The following LARGE1 variants were observed in gnomAD, a reference collection of about 807,000 sequenced individuals.
The protein encoded by LARGE1 is xylosyl- and glucuronyltransferase LARGE1.
LARGE1 carries 43 observed loss-of-function variants against 87.6 expected under a neutral mutation model. The observed-to-expected ratio is 0.49, with a 90% CI of 0.38 to 0.63. LARGE1 has a LOEUF of 0.63. Among genes scored for constraint, LARGE1 ranks in the 30% least tolerant of loss-of-function variants. The probability of loss-of-function intolerance (pLI) is 0.00; values close to 1 mark genes in which losing one functional copy is unlikely to be tolerated. For missense variants in LARGE1, 802 were observed against 1,000.2 expected, an observed-to-expected ratio of 0.80 and a Z score of 2.67; for synonymous variants, 434 against 394.6, an observed-to-expected ratio of 1.10 and a Z score of -1.18.
chr22:33,588,797 T>TG, intron 5 of LARGE1, among the ~76,000 whole-genome samples: 1 of 152,080 alleles, frequency 6.6e-6, no homozygotes, highest in Non-Finnish European at 1.5e-5. Context: ...AGTATAAAGG[T>TG]GATTTAGAAA....
the LARGE1 span, among the ~76,000 whole-genome samples, chr22:33,131,003 C>T: frequency 7.9e-6 from 1 of 125,840 alleles, no homozygotes; most frequent in Admixed American, 1.0e-4. Context: ...CAATGCACTC[C>T]AGCCTGGGCG....
intron 6 of LARGE1, among the ~76,000 whole-genome samples, chr22:33,491,657 AACC>A (rs1215895274): frequency 6.6e-6 from 1 of 152,194 alleles, no homozygotes; most frequent in African/African-American, 2.4e-5. Flanking sequence ...CTAGACAATA[AACC>A]ACTTAATCTG....
exon 12 of LARGE1, chr22:33,163,713 G>A (rs907244374): frequency 2.6e-5 from 4 of 152,194 alleles, no homozygotes; most frequent in African/African-American, 9.7e-5. Context: ...AGAGTGCATA[G>A]CTCTCATGGA....
chr22:33,559,191 T>C (rs1324489588), intron 6 of LARGE1, among the ~76,000 whole-genome samples: 2 of 152,088 alleles, frequency 1.3e-5, no homozygotes, highest in Admixed American at 6.5e-5. Flanking sequence ...ATGGTACACC[T>C]TTTTTTTGAG....
intron 11 of LARGE1, among the ~76,000 whole-genome samples, chr22:33,240,219 C>T (rs1926448813): frequency 6.6e-6 from 1 of 151,954 alleles, no homozygotes. Flanking sequence ...TAATAGTATC[C>T]CTTGTGGTTT....
chr22:33,655,432 A>C (rs2080932419), intron 2 of LARGE1, among the ~76,000 whole-genome samples: 1 of 152,134 alleles, frequency 6.6e-6, no homozygotes, highest in Non-Finnish European at 1.5e-5. Flanking sequence ...TTGGACTGGA[A>C]CTACACCATG....
intron 6 of LARGE1, among the ~76,000 whole-genome samples, chr22:33,469,653 CCT>C (rs2068749749): frequency 6.6e-6 from 1 of 151,732 alleles, no homozygotes; most frequent in East Asian, 2.0e-4. Context: ...GGTGAAACCC[CCT>C]CTCTACTAAA....
At chr22:33,506,010 G>C (rs570980472) in intron 6 of LARGE1, among the ~76,000 whole-genome samples, 5 of 152,150 alleles carry the variant, frequency 3.3e-5, no homozygotes, top group African/African-American at 1.2e-4. Context: ...GCAAATCAAA[G>C]TGGCAGCATT....
chr22:33,337,588 C>A (rs1433870250), intron 10 of LARGE1, 58 bp downstream of exon 10: 8 of 1,603,796 alleles, frequency 5.0e-6, no homozygotes, highest in African/African-American at 4.0e-5. Context: ...TGGGGGAGGT[C>A]CTTGATGGAT....
chr22:33,329,293 A>AAAATTCAT (rs1225474708), intron 10 of LARGE1, among the ~76,000 whole-genome samples: 8 of 141,172 alleles, frequency 5.7e-5, no homozygotes, highest in African/African-American at 2.2e-4. Context: ...TATACATTCA[A>AAAATTCAT]AAATTCATTG....
At chr22:33,324,928 CT>C (rs3216418) in intron 10 of LARGE1, among the ~76,000 whole-genome samples, 120,466 of 152,128 alleles carry the variant, frequency 0.79, 48,263 homozygotes, top group African/African-American at 0.93. Context: ...GTGGGGAGAG[CT>C]TTTGCAGGTT....
intron 1 of LARGE1, among the ~76,000 whole-genome samples, chr22:33,858,418 A>G (rs776853804): frequency 1.3e-5 from 2 of 152,216 alleles, no homozygotes; most frequent in Non-Finnish European, 2.9e-5. Flanking sequence ...AGGGGACCCA[A>G]AGAGGGTAGC....
chr22:33,299,801 A>G (rs2146099761), intron 12 of LARGE1, among the ~76,000 whole-genome samples: 1 of 152,362 alleles, frequency 6.6e-6, no homozygotes, highest in East Asian at 1.9e-4. Flanking sequence ...AACCTCTGCC[A>G]TGCCCCGCTG....
intron 1 of LARGE1, among the ~76,000 whole-genome samples, chr22:33,764,425 A>G (rs2084833838): frequency 2.0e-5 from 3 of 152,032 alleles, no homozygotes. Context: ...ATCCTCCTAT[A>G]TACTTTACTC....
upstream of LARGE1, among the ~76,000 whole-genome samples, chr22:33,921,056 G>C (rs950280330): frequency 3.3e-5 from 5 of 150,494 alleles, no homozygotes; most frequent in Admixed American, 2.6e-4. This position sits in a 1 kb window ranked among gnomAD's most constrained non-coding sequence, Gnocchi z 4.1. Flanking sequence ...CGCGAGCCGG[G>C]GCTGGGTTCC....
intron 2 of LARGE1, among the ~76,000 whole-genome samples, chr22:33,760,764 A>G (rs949952999): frequency 3.3e-5 from 5 of 152,162 alleles, no homozygotes; most frequent in African/African-American, 1.2e-4. Flanking sequence ...TACGAAAAAT[A>G]GAAGAATTAG....
intron 6 of LARGE1, among the ~76,000 whole-genome samples, chr22:33,511,672 T>A (rs1468942542): frequency 6.6e-6 from 1 of 152,332 alleles, no homozygotes; most frequent in South Asian, 2.1e-4. Context: ...ATGGCCCTAG[T>A]CTGTCTTCTT....
At chr22:33,747,258 C>T (rs889458124) in intron 2 of LARGE1, among the ~76,000 whole-genome samples, 2 of 152,128 alleles carry the variant, frequency 1.3e-5, no homozygotes, top group African/African-American at 4.8e-5. Flanking sequence ...TGCCAAGATC[C>T]ACTTTGCAGG....
chr22:33,709,979 G>GA lies in LARGE1; in HGVS notation c.106+51391dup, dbSNP rs5845106. On this transcript the variant is annotated intron_variant, in intron 2 of 14. Coordinates refer to ENST00000397394, the MANE Select transcript of LARGE1 (RefSeq NM_133642.5). The stretch of plus-strand genomic sequence containing the variant: ...TCTCTCATCAGACCTTTGCTAGGCA[G>GA]AAAAAAAAAAAAAAAAAAAAAGGAA... Among the ~76,000 whole-genome samples the GA allele has an allele frequency of 6.2e-3, 554 of 88,668 alleles. 1 individual carries two copies. Among genetic ancestry groups the GA allele is most frequent in the Middle Eastern group, 0.016 (2 of 128 alleles). The allele number at this position is 88,668 out of a possible 152,430, so 58.2% of individuals were successfully genotyped here.
Sources: gnomAD v4.1 joint callset for allele counts (sites outside exome capture counted in the v4.1 genomes callset) on GRCh38, gnomAD v4.1.1 for gene constraint, Gnocchi (gnomAD v3.1) non-coding constraint, MANE v1.5 for transcripts, NCBI Gene and HGNC (gene_info 2026-07-23, HGNC 2026-07-21) for gene names.